Variants in KALRN observed in about 807,000 individuals in gnomAD.
The protein encoded by KALRN is kalirin.
Under a neutral mutation model 353.7 loss-of-function variants are expected in KALRN, and 70 were observed. That is an observed-to-expected ratio of 0.20 (90% CI 0.16 to 0.24). The LOEUF is 0.24. Ranked by LOEUF, KALRN falls within the 10% of genes least tolerant of loss-of-function variation. The pLI, the probability that KALRN is intolerant of heterozygous loss-of-function variation, is 1.00. For missense variants in KALRN, 2,791 were observed against 3,756.7 expected, an observed-to-expected ratio of 0.74 and a Z score of 6.72; for synonymous variants, 1,391 against 1,434.8, an observed-to-expected ratio of 0.97 and a Z score of 0.69.
At chr3:124,250,287 A>G (rs1420412689) in intron 3 of KALRN, among the ~76,000 whole-genome samples, 1 of 152,250 alleles carries the variant, frequency 6.6e-6, no homozygotes, top group Non-Finnish European at 1.5e-5. Context: ...CCTGCCAGGA[A>G]ACCAGAGCCC....
intron 6 of KALRN, among the ~76,000 whole-genome samples, chr3:124,304,429 A>G (rs1029719132): frequency 1.3e-5 from 2 of 152,192 alleles, no homozygotes; most frequent in Non-Finnish European, 2.9e-5. Flanking sequence ...CAAGTGATCT[A>G]TATGCACGTT....
At chr3:124,512,339 G>A (rs1156686494) in intron 33 of KALRN, among the ~76,000 whole-genome samples, 1 of 152,188 alleles carries the variant, frequency 6.6e-6, no homozygotes, top group Non-Finnish European at 1.5e-5. Context: ...CAATATGAAA[G>A]ACTAATTTTG....
chr3:124,667,203 C>G lies in KALRN; in HGVS notation c.6703+20C>G. 1 of 1,605,084 alleles carries G rather than the reference C, an allele frequency of 6.2e-7. No homozygotes were observed. Among genetic ancestry groups the G allele is most frequent in the Admixed American group, 1.7e-5 (1 of 59,616 alleles). On this transcript the variant is annotated intron_variant, in intron 47 of 59. Coordinates refer to ENST00000682506, the MANE Select transcript of KALRN (RefSeq NM_001388419.1). Reference sequence around the variant, plus strand: ...TGAATGGTGGGTGCTGGGCTTGGTTCCTTGCAGGGCTGTGTCAGGGGACTC... The same window carrying G: ...TGAATGGTGGGTGCTGGGCTTGGTTGCTTGCAGGGCTGTGTCAGGGGACTC...
chr3:124,073,719 G>A (rs1182834630), intron 1 of KALRN, among the ~76,000 whole-genome samples: 1 of 152,170 alleles, frequency 6.6e-6, no homozygotes, highest in Non-Finnish European at 1.5e-5. Flanking sequence ...GCCCTTTTAA[G>A]TAGATAAACA....
intron 1 of KALRN, among the ~76,000 whole-genome samples, chr3:124,206,985 C>G (rs1409957621): frequency 6.6e-6 from 1 of 152,178 alleles, no homozygotes; most frequent in Non-Finnish European, 1.5e-5. Flanking sequence ...GGTAGAATGT[C>G]TGGCTGAGAG....
At chr3:124,596,718 T>C (rs1482785101) in intron 34 of KALRN, among the ~76,000 whole-genome samples, 7 of 152,162 alleles carry the variant, frequency 4.6e-5, no homozygotes, top group Non-Finnish European at 5.9e-5. Flanking sequence ...TGGCCTGTGG[T>C]AAATCTAGGT....
chr3:124,481,180 T>G (rs1292508531), intron 27 of KALRN, among the ~76,000 whole-genome samples: 2 of 152,102 alleles, frequency 1.3e-5, no homozygotes, highest in Non-Finnish European at 2.9e-5. Context: ...TTTCATCATG[T>G]GTTTTTTTCT....
chr3:124,395,105 C>G, intron 11 of KALRN, 30 bp from the exon 12 acceptor site: 1 of 1,586,462 alleles, frequency 6.3e-7, no homozygotes, highest in South Asian at 1.1e-5. Flanking sequence ...CCCATCTTCC[C>G]TGAGTGGAAT....
intron 10 of KALRN, among the ~76,000 whole-genome samples, chr3:124,365,683 A>G (rs2084596655): frequency 6.6e-6 from 1 of 152,194 alleles, no homozygotes; most frequent in South Asian, 2.1e-4. Context: ...GCTAATTCTC[A>G]TTTAAAAGGC....
rs114360568 is a variant in KALRN at position 124,666,001 on chromosome 3, T to C, written c.6346-448T>C. Among the ~76,000 whole-genome samples the C allele has an allele frequency of 6.8e-3, 1,040 of 152,242 alleles. 8 individuals are homozygous for C. Among genetic ancestry groups the C allele is most frequent in the Non-Finnish European group, 0.012 (836 of 68,014 alleles). ...CAGGTGAGTTCAAGGTTGGTGGCCA[T>C]GAGAATGCCCTTGGTCCTTGGCCCA... On this transcript the variant is annotated intron_variant, in intron 45 of 59. Coordinates refer to ENST00000682506, the MANE Select transcript of KALRN (RefSeq NM_001388419.1).
chr3:124,165,743 ATATATT>A (rs2070736420), intron 1 of KALRN, among the ~76,000 whole-genome samples: 1 of 152,182 alleles, frequency 6.6e-6, no homozygotes, highest in Non-Finnish European at 1.5e-5. Context: ...CCACCATTGT[ATATATT>A]TATATTCATA....
At chr3:124,172,093 A>G (rs1341450127) in intron 1 of KALRN, among the ~76,000 whole-genome samples, 1 of 152,190 alleles carries the variant, frequency 6.6e-6, no homozygotes, top group Non-Finnish European at 1.5e-5. Context: ...TTCCTTATCC[A>G]TAAAATAAGT....
At chr3:124,409,891 C>T (rs1294922791) in intron 13 of KALRN, among the ~76,000 whole-genome samples, 2 of 151,680 alleles carry the variant, frequency 1.3e-5, no homozygotes, top group Admixed American at 1.3e-4. Context: ...GGCATCAGTG[C>T]CTGGGGGAGA....
chr3:124,114,114 G>A (rs141364138), intron 1 of KALRN, among the ~76,000 whole-genome samples: 1 of 152,322 alleles, frequency 6.6e-6, no homozygotes, highest in African/African-American at 2.4e-5. Flanking sequence ...TGAGGGACCA[G>A]GCTTGAGGGA....
In KALRN at chr3:124,364,195, CA is replaced by C. The variant is rs142712317; in HGVS notation, c.1770+16931del. ...CTTTTTCTCATATGGAGGGTGGATTCATATGGAATTACTTATGGTTCTTGCC... is the reference window on the plus strand; with the variant it reads ...CTTTTTCTCATATGGAGGGTGGATTCTATGGAATTACTTATGGTTCTTGCC... On this transcript the variant is annotated intron_variant, in intron 10 of 59. Transcript: ENST00000682506. Among the ~76,000 whole-genome samples the C allele has an allele frequency of 4.1e-3, 626 of 152,306 alleles. 3 individuals carry two copies. The highest frequency in any genetic ancestry group is 0.014 in the African/African-American group (579 of 41,570).
chr3:124,094,958 TAGAGACATAA>T lies in KALRN; in HGVS notation c.73+61154_73+61163del, dbSNP rs2061343384. On this transcript the variant is annotated intron_variant, in intron 1 of 59. Transcript: ENST00000682506. ...AGAGACTGAGAGAGATAAATACACA[TAGAGACATAA>T]AGAGACATGCAGAAAGACACAGCAG... 1.0e-5 allele frequency: 15 copies of T among 1,506,264 alleles called. No individual in the cohort carries two copies. The South Asian group carries it at 1.7e-4, about 17-fold the overall frequency. 93.3% of individuals were successfully genotyped at this position (1,506,264 alleles called of 1,614,324 possible). A position where few individuals can be genotyped will look rare whatever the true frequency, so the allele number is the denominator to read the frequency against.
intron 33 of KALRN, among the ~76,000 whole-genome samples, chr3:124,496,747 G>A (rs2063895571): frequency 6.6e-6 from 1 of 152,212 alleles, no homozygotes; most frequent in South Asian, 2.1e-4. Flanking sequence ...TGCCTTCTGG[G>A]GGGATGGATC....
chr3:124,384,723 C>A, intron 10 of KALRN, 122 bp from the exon 11 acceptor site: 1 of 957,056 alleles, frequency 1.0e-6, no homozygotes, highest in Non-Finnish European at 1.5e-6. Flanking sequence ...CGCCTCAGTG[C>A]CAGATCAGGG....
chr3:124,059,066 A>G (rs2041799304), intron 1 of KALRN, among the ~76,000 whole-genome samples: 1 of 152,142 alleles, frequency 6.6e-6, no homozygotes, highest in Non-Finnish European at 1.5e-5. Context: ...AGAAGAAAAA[A>G]AAGGAATTGT....
Sources: gnomAD v4.1 joint callset for allele counts (sites outside exome capture counted in the v4.1 genomes callset) on GRCh38, gnomAD v4.1.1 for gene constraint, MANE v1.5 for transcripts, NCBI Gene and HGNC (gene_info 2026-07-23, HGNC 2026-07-21) for gene names.